Variants in ZNF704 observed in about 807,000 individuals in gnomAD.
ZNF704 encodes zinc finger protein 704, also known as glucocorticoid induced gene 1.
ZNF704 carries 10 observed loss-of-function variants against 44.7 expected under a neutral mutation model. The ratio of observed to expected loss-of-function variants is 0.22; its 90% CI spans 0.14 to 0.38. ZNF704 has a LOEUF of 0.38. Among genes scored for constraint, ZNF704 ranks in the 10% least tolerant of loss-of-function variants. ZNF704 has a pLI of 1.00. For missense variants in ZNF704, 390 were observed against 545.5 expected (o/e 0.71, Z 2.84); for synonymous variants, 211 against 207.6 (o/e 1.02, Z -0.14).
At chr8:80,879,649 A>G (rs544955802), upstream of ZNF704, among the ~76,000 whole-genome samples, 1 of 152,298 alleles carries the variant, frequency 6.6e-6, no homozygotes, top group East Asian at 1.9e-4. Context: ...AAATTATAAA[A>G]TTATGCATTT....
At chr8:80,873,816 CGGCCCCGGT>C (rs905065012) in intron 1 of ZNF704, among the ~76,000 whole-genome samples, 5 of 148,972 alleles carry the variant, frequency 3.4e-5, no homozygotes, top group African/African-American at 1.2e-4. Context: ...GCGGCGGCGG[CGGCCCCGGT>C]GGCCCGAGGG....
chr8:80,883,518 G>A, the ZNF704 span, among the ~76,000 whole-genome samples: 1 of 152,082 alleles, frequency 6.6e-6, no homozygotes, highest in African/African-American at 2.4e-5. Flanking sequence ...AGGAATAGAA[G>A]TTTTAATTTT....
Position 80,640,217 on chromosome 8 carries a change from GTTAA to G in ZNF704, c.*1145_*1148del, listed in dbSNP as rs1224267214. The G allele has an allele frequency of 1.3e-5, 2 of 152,540 alleles. No individual in the cohort carries two copies. The highest frequency in any genetic ancestry group is 2.4e-5 in the African/African-American group (1 of 41,414). The allele number at this position is 152,540 out of a possible 1,614,324, so 9.4% of individuals were successfully genotyped here. ...CATTTACTCACATAATGTTTATATT[GTTAA>G]TTAACTCATCTCCCGGACATGCTAA... On this transcript the variant is annotated 3_prime_UTR_variant, in exon 9 of 9. Coordinates refer to ENST00000327835, the MANE Select transcript of ZNF704 (RefSeq NM_001033723.3).
intron 1 of ZNF704, among the ~76,000 whole-genome samples, chr8:80,872,658 G>A (rs1809272710): frequency 1.3e-5 from 2 of 152,136 alleles, no homozygotes; most frequent in Admixed American, 6.5e-5. Flanking sequence ...ATCTCAACGT[G>A]GTTTGCTTTG....
At chr8:80,866,606 A>T (rs1055404005) in intron 1 of ZNF704, among the ~76,000 whole-genome samples, 9 of 152,210 alleles carry the variant, frequency 5.9e-5, no homozygotes, top group African/African-American at 1.7e-4. Context: ...TTCTGCAAAC[A>T]TATCAAGTCA....
chr8:80,870,700 C>G (rs1809236861), intron 1 of ZNF704, among the ~76,000 whole-genome samples: 1 of 152,078 alleles, frequency 6.6e-6, no homozygotes, highest in Non-Finnish European at 1.5e-5. Context: ...GTGCTGTGCC[C>G]CAGAATCAGG....
intron 2 of ZNF704, among the ~76,000 whole-genome samples, chr8:80,747,462 CTGAAAAA>C (rs763271224): frequency 1.3e-5 from 2 of 152,134 alleles, no homozygotes; most frequent in Non-Finnish European, 2.9e-5. Flanking sequence ...ACACAAACCT[CTGAAAAA>C]TGGAAGTAGG....
intron 2 of ZNF704, among the ~76,000 whole-genome samples, chr8:80,761,992 T>G (rs1413408597): frequency 6.6e-6 from 1 of 152,236 alleles, no homozygotes; most frequent in African/African-American, 2.4e-5. Flanking sequence ...CTTTAACAAA[T>G]GCAGGTGTAC....
At chr8:80,808,496 T>C (rs1252227351) in intron 2 of ZNF704, among the ~76,000 whole-genome samples, 1 of 152,182 alleles carries the variant, frequency 6.6e-6, no homozygotes, top group Non-Finnish European at 1.5e-5. Flanking sequence ...GACTACACTG[T>C]TTGTTAGGAA....
chr8:80,757,161 G>T (rs1197787426), intron 2 of ZNF704, among the ~76,000 whole-genome samples: 1 of 152,168 alleles, frequency 6.6e-6, no homozygotes, highest in South Asian at 2.1e-4. Flanking sequence ...TATTTCAGAA[G>T]AAGGCATTGT....
At chr8:80,769,831 G>A (rs1308030902) in intron 2 of ZNF704, among the ~76,000 whole-genome samples, 1 of 152,046 alleles carries the variant, frequency 6.6e-6, no homozygotes, top group Non-Finnish European at 1.5e-5. Context: ...CTTTTCAGCA[G>A]TGCCCCACTC....
intron 2 of ZNF704, among the ~76,000 whole-genome samples, chr8:80,715,617 C>T (rs1358485360): frequency 6.6e-6 from 1 of 152,206 alleles, no homozygotes; most frequent in Non-Finnish European, 1.5e-5. Flanking sequence ...TCTGATCCTG[C>T]ATGTCTCAAA....
intron 2 of ZNF704, among the ~76,000 whole-genome samples, chr8:80,745,648 G>C (rs1806832040): frequency 1.3e-5 from 2 of 152,112 alleles, no homozygotes; most frequent in South Asian, 4.1e-4. Context: ...CATATCACAA[G>C]GGGATTACTA....
At position 80,632,572 on chromosome 8, in the gene ZNF704, T is replaced by C. The variant is rs1817604601; in HGVS notation, c.*8794A>G. ...GTAATAGTTAATTAGACTTGAGAAT[T>C]GATTTTTAGTATTTTCATGATATAA... On this transcript the variant is annotated 3_prime_UTR_variant, in exon 9 of 9. Transcript: ENST00000327835. The C allele has an allele frequency of 6.6e-6, 1 of 152,240 alleles. No individual in the cohort carries two copies. The highest frequency in any genetic ancestry group is 1.5e-5 in the Non-Finnish European group (1 of 68,036). 9.4% of individuals were successfully genotyped at this position (152,240 alleles called of 1,614,324 possible).
intron 4 of ZNF704, among the ~76,000 whole-genome samples, chr8:80,675,206 T>G (rs2131619687): frequency 6.6e-6 from 1 of 152,338 alleles, no homozygotes; most frequent in South Asian, 2.1e-4. Flanking sequence ...CCAGCCAAGC[T>G]AAGAGCTAGA....
intron 2 of ZNF704, among the ~76,000 whole-genome samples, chr8:80,697,303 T>C (rs1046869978): frequency 6.6e-5 from 10 of 152,090 alleles, no homozygotes; most frequent in African/African-American, 2.4e-4. Flanking sequence ...AGGTGATCAA[T>C]CTGTATTTAA....
intron 2 of ZNF704, among the ~76,000 whole-genome samples, chr8:80,782,071 G>A (rs1807533234): frequency 6.6e-6 from 1 of 152,154 alleles, no homozygotes; most frequent in African/African-American, 2.4e-5. Context: ...TTAGAGAATG[G>A]GCAGTTGCCT....
intron 1 of ZNF704, among the ~76,000 whole-genome samples, chr8:80,826,918 C>T (rs970315731): frequency 2.0e-5 from 3 of 152,124 alleles, no homozygotes; most frequent in African/African-American, 7.2e-5. Flanking sequence ...ATTGATGGGA[C>T]ATATCTCAAA....
chr8:80,661,412 T>G lies in ZNF704; in HGVS notation c.928-1723A>C, dbSNP rs376522876. On this transcript the variant is annotated intron_variant, in intron 6 of 8. Coordinates refer to ENST00000327835, the MANE Select transcript of ZNF704 (RefSeq NM_001033723.3). ...ATTTCTCAAAATCTAAAAACAGAAC[T>G]ACCATATAATCCAGCAATCTCACTA... Among the ~76,000 whole-genome samples the G allele has an allele frequency of 5.5e-4, 84 of 152,318 alleles. 2 individuals are homozygous for G. The East Asian group carries it at 0.014, about 26-fold the overall frequency.
Sources: gnomAD v4.1 joint callset for allele counts (sites outside exome capture counted in the v4.1 genomes callset) on GRCh38, gnomAD v4.1.1 for gene constraint, MANE v1.5 for transcripts, NCBI Gene and HGNC (gene_info 2026-07-23, HGNC 2026-07-21) for gene names.